The following PCDH9 variants were observed in gnomAD, a reference collection of about 807,000 sequenced individuals.
PCDH9 encodes protocadherin 9.
Under a neutral mutation model 70.6 loss-of-function variants are expected in PCDH9, and 24 were observed. The ratio of observed to expected loss-of-function variants is 0.34; its 90% CI spans 0.25 to 0.48. PCDH9 has a LOEUF of 0.48. PCDH9 is among the 20% of genes least tolerant of loss of function. The pLI, the probability that PCDH9 is intolerant of heterozygous loss-of-function variation, is 0.99. For synonymous variants in PCDH9, 562 were observed against 558.5 expected (o/e 1.01, Z -0.09); for missense variants, 1,281 against 1,503.6 (o/e 0.85, Z 2.45).
intron 3 of PCDH9, among the ~76,000 whole-genome samples, chr13:66,808,232 T>A (rs117989522): frequency 6.6e-6 from 1 of 152,320 alleles, no homozygotes; most frequent in East Asian, 1.9e-4. Flanking sequence ...TTGGGTAGTT[T>A]GATTTCTTTC....
At chr13:66,471,985 C>T (rs973752081) in intron 4 of PCDH9, among the ~76,000 whole-genome samples, 7 of 151,750 alleles carry the variant, frequency 4.6e-5, no homozygotes, top group Non-Finnish European at 1.0e-4. Flanking sequence ...CCGAGGCGGG[C>T]GGATCGCTTA....
chr13:66,718,398 A>T (rs4884691), intron 3 of PCDH9, among the ~76,000 whole-genome samples: 148,615 of 152,166 alleles, frequency 0.98, 72,681 homozygotes, highest in East Asian at 1. Context: ...ATACTCATAG[A>T]ATACTATTTT....
intron 2 of PCDH9, among the ~76,000 whole-genome samples, chr13:66,985,250 G>C (rs2139783683): frequency 6.6e-6 from 1 of 152,170 alleles, no homozygotes; most frequent in Middle Eastern, 3.4e-3. Context: ...ACAGTGCCAA[G>C]ATCAATCCCT....
intron 3 of PCDH9, among the ~76,000 whole-genome samples, chr13:66,858,138 A>G (rs1272252678): frequency 6.6e-6 from 1 of 152,108 alleles, no homozygotes; most frequent in African/African-American, 2.4e-5. Context: ...AAGCTTAAAC[A>G]TTGTAAATTT....
chr13:66,550,971 T>C (rs549666615), intron 4 of PCDH9, among the ~76,000 whole-genome samples: 4 of 152,310 alleles, frequency 2.6e-5, no homozygotes, highest in East Asian at 1.9e-4. Flanking sequence ...TTACTCTCAA[T>C]TGAGGGAAAG....
chr13:67,030,605 T>C (rs1188099695), intron 2 of PCDH9, among the ~76,000 whole-genome samples: 1 of 152,006 alleles, frequency 6.6e-6, no homozygotes, highest in Non-Finnish European at 1.5e-5. Context: ...AATTTGATCA[T>C]TACACCTTAC....
In PCDH9 at chr13:67,021,357, G is replaced by A. The variant is rs148420476; in HGVS notation, c.3037-117752C>T. 2.7e-3 allele frequency among the ~76,000 whole-genome samples: 408 copies of A among 152,140 alleles called. 5 individuals are homozygous for A. The highest frequency in any genetic ancestry group is 9.2e-3 in the African/African-American group (384 of 41,534). ...CTCAGTAAATACTTAATAAATGAAC[G>A]TCACAGGGAAAAAGGAATCCTTAAA... On this transcript the variant is annotated intron_variant, in intron 2 of 4. Coordinates refer to ENST00000377865, the MANE Select transcript of PCDH9 (RefSeq NM_203487.3).
At chr13:67,117,938 A>G (rs1378635900) in intron 2 of PCDH9, among the ~76,000 whole-genome samples, 1 of 152,150 alleles carries the variant, frequency 6.6e-6, no homozygotes, top group Non-Finnish European at 1.5e-5. Flanking sequence ...GGGCAAGTTG[A>G]CTAAATATTA....
intron 3 of PCDH9, among the ~76,000 whole-genome samples, chr13:66,851,021 G>A (rs1319033125): frequency 1.3e-5 from 2 of 152,136 alleles, no homozygotes; most frequent in African/African-American, 2.4e-5. Flanking sequence ...AAGAAATGTT[G>A]AATTAAACCA....
chr13:66,510,351 A>T (rs1483066761), intron 4 of PCDH9, among the ~76,000 whole-genome samples: 3 of 149,960 alleles, frequency 2.0e-5, no homozygotes, highest in Admixed American at 6.7e-5. Flanking sequence ...AAATACATTT[A>T]TATATATATA....
chr13:66,485,526 A>G (rs1052359955), intron 4 of PCDH9, among the ~76,000 whole-genome samples: 1 of 152,104 alleles, frequency 6.6e-6, no homozygotes, highest in Admixed American at 6.6e-5. Flanking sequence ...CCTTGCATTC[A>G]GTTTATATAT....
At chr13:66,495,632 T>C (rs1343215935) in intron 4 of PCDH9, among the ~76,000 whole-genome samples, 1 of 152,090 alleles carries the variant, frequency 6.6e-6, no homozygotes, top group Non-Finnish European at 1.5e-5. Flanking sequence ...ACCTTACTTC[T>C]TCAACTAGAG....
At position 67,139,408 on chromosome 13, in the gene PCDH9, G is replaced by A. The variant is rs1215938906; in HGVS notation, c.3036+85997C>T. ...AGAGCAAATTCCCCATTTGATTCCA[G>A]CACAGAAGTTACCAATGAAACTAAC... On this transcript the variant is annotated intron_variant, in intron 2 of 4. Transcript: ENST00000377865. Among the ~76,000 whole-genome samples the A allele has an allele frequency of 2.6e-5, 4 of 152,112 alleles. No homozygotes were observed. The East Asian group carries it at 5.8e-4, about 22-fold the overall frequency.
chr13:66,439,888 G>A (rs1182834894), intron 4 of PCDH9, among the ~76,000 whole-genome samples: 1 of 152,086 alleles, frequency 6.6e-6, no homozygotes, highest in Non-Finnish European at 1.5e-5. Flanking sequence ...AGTTAATAAA[G>A]GGTTACAAGT....
intron 2 of PCDH9, among the ~76,000 whole-genome samples, chr13:67,126,633 G>A (rs1345814476): frequency 6.6e-6 from 1 of 152,102 alleles, no homozygotes; most frequent in Admixed American, 6.6e-5. Context: ...GGTGGATCAC[G>A]AAGTCAGGAG....
chr13:66,383,975 A>T (rs1336417804), intron 4 of PCDH9, among the ~76,000 whole-genome samples: 1 of 152,158 alleles, frequency 6.6e-6, no homozygotes, highest in Non-Finnish European at 1.5e-5. Context: ...CACATTAAAA[A>T]TCTAAACTGC....
At chr13:66,470,411 C>T (rs1958594927) in intron 4 of PCDH9, among the ~76,000 whole-genome samples, 1 of 152,090 alleles carries the variant, frequency 6.6e-6, no homozygotes, top group Admixed American at 6.5e-5. Flanking sequence ...TTGTAAGATG[C>T]ATTAACTCAA....
intron 3 of PCDH9, among the ~76,000 whole-genome samples, chr13:66,890,495 C>T (rs2082079044): frequency 1.6e-5 from 2 of 122,900 alleles, no homozygotes. Flanking sequence ...CTCTAGAAAA[C>T]TTGCAATTGT....
intron 4 of PCDH9, among the ~76,000 whole-genome samples, chr13:66,568,653 C>T (rs2076687673): frequency 6.6e-6 from 1 of 150,678 alleles, no homozygotes; most frequent in South Asian, 2.1e-4. Flanking sequence ...GCCTGAATGA[C>T]AGGGGAAAAA....
Sources: gnomAD v4.1 joint callset for allele counts (sites outside exome capture counted in the v4.1 genomes callset) on GRCh38, gnomAD v4.1.1 for gene constraint, MANE v1.5 for transcripts, NCBI Gene and HGNC (gene_info 2026-07-23, HGNC 2026-07-21) for gene names.